The following ATG7 variants were observed in gnomAD, a reference collection of about 807,000 sequenced individuals.
ATG7 encodes autophagy related 7, also known as ubiquitin-like modifier-activating enzyme ATG7.
A neutral mutation model predicts 82.4 loss-of-function variants in ATG7; 70 were observed. The ratio of observed to expected loss-of-function variants is 0.85; its 90% CI spans 0.70 to 1.04. The LOEUF (loss-of-function observed/expected upper bound fraction) is 1.04. Among genes scored for constraint, ATG7 ranks in the 50% least tolerant of loss-of-function variants. The pLI, the probability that ATG7 is intolerant of heterozygous loss-of-function variation, is 0.00. For synonymous variants in ATG7, 287 were observed against 313.0 expected, an observed-to-expected ratio of 0.92 and a Z score of 0.88; for missense variants, 792 against 864.3, an observed-to-expected ratio of 0.92 and a Z score of 1.05.
intron 18 of ATG7, among the ~76,000 whole-genome samples, chr3:11,366,851 C>T (rs2076646049): frequency 6.6e-6 from 1 of 152,002 alleles, no homozygotes; most frequent in South Asian, 2.1e-4. Flanking sequence ...TGTCATTCAC[C>T]AACTCTTCTA....
intron 20 of ATG7, among the ~76,000 whole-genome samples, chr3:11,553,828 C>T (rs182916664): frequency 6.6e-6 from 1 of 152,340 alleles, no homozygotes; most frequent in East Asian, 1.9e-4. Flanking sequence ...GAAAGCCAAG[C>T]TGGTGTTGAT....
At chr3:11,554,086 C>T (rs1339416101) in intron 20 of ATG7, among the ~76,000 whole-genome samples, 1 of 152,180 alleles carries the variant, frequency 6.6e-6, no homozygotes, top group Admixed American at 6.5e-5. Context: ...AATGAATGGG[C>T]CTGGGCCCAT....
At chr3:11,568,626 T>C in the ATG7 span, 1 of 1,569,294 alleles carries the variant, frequency 6.4e-7, no homozygotes, top group Non-Finnish European at 8.7e-7. The surrounding 1 kb of genome is among the most constrained non-coding windows in gnomAD (Gnocchi z 5.9). Flanking sequence ...ATTTTCCTGG[T>C]TCCCGGAGCT....
At chr3:11,299,275 A>G in intron 4 of ATG7, 87 bp from the exon 5 acceptor site, 1 of 1,366,096 alleles carries the variant, frequency 7.3e-7, no homozygotes, top group Non-Finnish European at 1.0e-6. Context: ...GGCTCAACAA[A>G]GAGAAGAAAA....
intron 20 of ATG7, chr3:11,529,397 A>G (rs1050069253): frequency 2.0e-5 from 3 of 152,184 alleles, no homozygotes; most frequent in Non-Finnish European, 2.9e-5. Context: ...GATGACATTG[A>G]TTTTATGTTC....
chr3:11,395,970 G>GCC (rs1375267350), intron 19 of ATG7, among the ~76,000 whole-genome samples: 3 of 115,362 alleles, frequency 2.6e-5, no homozygotes. Context: ...AAAAAAGGTA[G>GCC]GGGGGGAAGA....
At chr3:11,320,496 C>T (rs1015594233) in intron 9 of ATG7, among the ~76,000 whole-genome samples, 4 of 152,062 alleles carry the variant, frequency 2.6e-5, no homozygotes, top group East Asian at 3.9e-4. Flanking sequence ...CCATGTTGGC[C>T]GGGCCAGTCT....
At chr3:11,524,602 TAAA>T (rs1370399554) in intron 20 of ATG7, among the ~76,000 whole-genome samples, 1 of 151,994 alleles carries the variant, frequency 6.6e-6, no homozygotes, top group African/African-American at 2.4e-5. Context: ...CTCCTAAAAA[TAAA>T]AATAATAATA....
chr3:11,364,770 G>C (rs1329851457), intron 18 of ATG7, 36 bp downstream of exon 18: 1 of 1,608,018 alleles, frequency 6.2e-7, no homozygotes, highest in East Asian at 2.2e-5. Context: ...AATTCTTTTG[G>C]TACAGGGGGA....
intron 20 of ATG7, chr3:11,477,243 G>C: frequency 7.8e-7 from 1 of 1,279,558 alleles, no homozygotes; most frequent in South Asian, 1.3e-5. Flanking sequence ...TCGCCCATCT[G>C]ATTCTTGGCT....
rs1023512538 is a variant in ATG7 at position 11,556,508 on chromosome 3, C to T, written c.*1665C>T. On this transcript the variant is annotated 3_prime_UTR_variant, in exon 21 of 21. Coordinates refer to ENST00000693202, the MANE Select transcript of ATG7 (RefSeq NM_001349232.2). ...GTTTTCCTGTTACGACGCTCAGTAG[C>T]CTGTAGCAATAACAAACTCGTGGCT... 1 of 152,666 alleles carries T rather than the reference C, an allele frequency of 6.6e-6. No homozygotes were observed. Among genetic ancestry groups the T allele is most frequent in the South Asian group, 2.1e-4 (1 of 4,824 alleles). 9.5% of individuals were successfully genotyped at this position (152,666 alleles called of 1,614,324 possible).
At chr3:11,522,398 T>C (rs896022840) in intron 20 of ATG7, among the ~76,000 whole-genome samples, 6 of 152,092 alleles carry the variant, frequency 3.9e-5, no homozygotes, top group African/African-American at 1.4e-4. Flanking sequence ...GGGTTTACAG[T>C]AATTTGGAGA....
chr3:11,408,236 C>T (rs892775232), intron 19 of ATG7, among the ~76,000 whole-genome samples: 2 of 152,342 alleles, frequency 1.3e-5, no homozygotes, highest in East Asian at 3.9e-4. Flanking sequence ...TTTGCTAAAA[C>T]ATAGCAAAAG....
At chr3:11,433,422 C>T (rs932587652) in intron 20 of ATG7, among the ~76,000 whole-genome samples, 17 of 151,766 alleles carry the variant, frequency 1.1e-4, no homozygotes, top group African/African-American at 4.1e-4. Flanking sequence ...ATTTCTCATC[C>T]TATGAGTAGA....
chr3:11,437,396 G>C (rs143997022), intron 20 of ATG7, among the ~76,000 whole-genome samples: 57 of 152,290 alleles, frequency 3.7e-4, no homozygotes, highest in African/African-American at 1.3e-3. Context: ...CTCTGTGCTT[G>C]CTGTGGGGAG....
At chr3:11,447,219 A>C (rs933058221) in intron 20 of ATG7, among the ~76,000 whole-genome samples, 1 of 152,232 alleles carries the variant, frequency 6.6e-6, no homozygotes. Context: ...TAATCCCAGC[A>C]CTTTGGGAGG....
chr3:11,537,771 A>AT (rs1246561695), intron 20 of ATG7, among the ~76,000 whole-genome samples: 2 of 152,128 alleles, frequency 1.3e-5, no homozygotes, highest in African/African-American at 4.8e-5. Context: ...TGTTTTATGT[A>AT]TCCTTGATAA....
rs1312552725 is a variant in ATG7 at position 11,557,058 on chromosome 3, CCCA to C, written c.*2217_*2219del. 6.6e-6 allele frequency: 1 copy of C among 152,494 alleles called. No homozygotes were observed. Among genetic ancestry groups the C allele is most frequent in the Non-Finnish European group, 1.5e-5 (1 of 68,046 alleles). The allele number at this position is 152,494 out of a possible 1,614,324, so 9.4% of individuals were successfully genotyped here. A position where few individuals can be genotyped will look rare whatever the true frequency, so the allele number is the denominator to read the frequency against. ...AAGCCTTGCAGGTGAGGTGACCACG[CCCA>C]CGTCACCTGGTCAGGTGCCATCGTC... On this transcript the variant is annotated 3_prime_UTR_variant, in exon 21 of 21. Transcript: ENST00000693202.
At chr3:11,553,089 C>G (rs904615291) in intron 20 of ATG7, among the ~76,000 whole-genome samples, 1 of 152,104 alleles carries the variant, frequency 6.6e-6, no homozygotes, top group African/African-American at 2.4e-5. Flanking sequence ...CCGGAGGACA[C>G]GGCCCACAAT....
Sources: gnomAD v4.1 joint callset for allele counts (sites outside exome capture counted in the v4.1 genomes callset) on GRCh38, gnomAD v4.1.1 for gene constraint, Gnocchi (gnomAD v3.1) non-coding constraint, MANE v1.5 for transcripts, NCBI Gene and HGNC (gene_info 2026-07-23, HGNC 2026-07-21) for gene names.